FXYD3: variants seen among roughly 807,000 people sequenced by gnomAD.
FXYD3 encodes FXYD domain-containing ion transport regulator 3.
In FXYD3, 13 loss-of-function variants were observed where a neutral mutation model predicts 19.2. The observed-to-expected ratio is 0.68, with a 90% confidence interval of 0.44 to 1.08. The LOEUF is 1.08. FXYD3 is among the 50% of genes least tolerant of loss of function. The pLI, the probability that FXYD3 is intolerant of heterozygous loss-of-function variation, is 0.00. For missense variants in FXYD3, 101 were observed against 109.4 expected (o/e 0.92, Z 0.34); for synonymous variants, 48 against 38.9 (o/e 1.23, Z -0.87).
At chr19:35,121,169 G>T in intron 4 of FXYD3, 53 bp from the exon 5 acceptor site, 1 of 1,614,114 alleles carries the variant, frequency 6.2e-7, no homozygotes, top group African/African-American at 1.3e-5. Context: ...GGTGGGGAAG[G>T]CCTGCATCCT....
At chr19:35,120,984 T>C (rs2065029125) in intron 3 of FXYD3, 94 bp from the exon 4 acceptor site, 4 of 1,395,980 alleles carry the variant, frequency 2.9e-6, no homozygotes, top group Non-Finnish European at 4.0e-6. Flanking sequence ...CAGGAGACCC[T>C]TTCCCAAGGC....
chr19:35,119,741 G>A, intron 3 of FXYD3: 1 of 405,222 alleles, frequency 2.5e-6, no homozygotes, highest in East Asian at 5.0e-5. Context: ...CGCAATCACA[G>A]TTCACTACAG....
At chr19:35,119,206 G>A in intron 2 of FXYD3, 157 bp from the exon 3 acceptor site, 1 of 1,581,666 alleles carries the variant, frequency 6.3e-7, no homozygotes, top group Non-Finnish European at 8.6e-7. Context: ...CGGTGCAGCT[G>A]CGGCTTATCT....
At position 35,122,853 on chromosome 19, in the gene FXYD3, C is replaced by G. The variant is rs2065074361; in HGVS notation, c.172+14C>G. The G allele has an allele frequency of 6.2e-7, 1 of 1,613,850 alleles. No individual in the cohort carries two copies. The highest frequency in any genetic ancestry group is 1.1e-5 in the South Asian group (1 of 91,074). On this transcript the variant is annotated intron_variant, in intron 6 of 8. Transcript: ENST00000604404. ...TCATCGTCATGAGTGAGTGGAGGAGCTCGGGGGAGCAGGCGGGCCGGGGCT... is the reference window on the plus strand; with the variant it reads ...TCATCGTCATGAGTGAGTGGAGGAGGTCGGGGGAGCAGGCGGGCCGGGGCT...
At chr19:35,119,867 A>G (rs926933331) in intron 3 of FXYD3, 4 of 171,756 alleles carry the variant, frequency 2.3e-5, no homozygotes, top group African/African-American at 9.6e-5. Context: ...ACGAGGTCTC[A>G]CTGTGTTGCC....
At position 35,122,963 on chromosome 19, in the gene FXYD3, C is replaced by T. The variant is rs746564210; in HGVS notation, c.209+9C>T. ...TTTGGCCAGAAGTCCGGGTAAGATA[C>T]TGTTCCGGCATGCCCGCCTCAGGCT... is the stretch of plus-strand genomic sequence containing the variant. On this transcript the variant is annotated intron_variant, in intron 7 of 8. Transcript: ENST00000604404. 2.5e-6 allele frequency: 4 copies of T among 1,583,920 alleles called. No homozygotes were observed. Among genetic ancestry groups the T allele is most frequent in the African/African-American group, 1.3e-5 (1 of 74,608 alleles).
At chr19:35,119,752 C>G in intron 3 of FXYD3, 2 of 362,324 alleles carry the variant, frequency 5.5e-6, no homozygotes, top group Middle Eastern at 8.0e-4. Flanking sequence ...TTCACTACAG[C>G]CTTGAACTCC....
intron 2 of FXYD3, chr19:35,116,937 G>T (rs1022123003): frequency 1.0e-6 from 1 of 985,178 alleles, no homozygotes; most frequent in African/African-American, 1.7e-5. Context: ...GGAGCACACA[G>T]CGGGCAGGAT....
At position 35,123,945 on chromosome 19, in the gene FXYD3, G is replaced by C. The variant is rs2065105082; in HGVS notation, c.*488G>C. On this transcript the variant is annotated 3_prime_UTR_variant, in exon 9 of 9. Coordinates refer to ENST00000604404, the MANE Select transcript of FXYD3 (RefSeq NM_005971.4). ...TTCCAGTGGACCCTGGACCATTCCAGGAAAACTGGGACATAGGATCGTCCC... is the reference window on the plus strand; with the variant it reads ...TTCCAGTGGACCCTGGACCATTCCACGAAAACTGGGACATAGGATCGTCCC... 5.7e-6 allele frequency: 1 copy of C among 174,360 alleles called. No individual in the cohort carries two copies. Among genetic ancestry groups the C allele is most frequent in the African/African-American group, 2.4e-5 (1 of 42,128 alleles). The allele number at this position is 174,360 out of a possible 1,614,324, so 10.8% of individuals were successfully genotyped here. A position where few individuals can be genotyped will look rare whatever the true frequency, so the allele number is the denominator to read the frequency against.
chr19:35,116,140 G>C (rs2064880206), intron 1 of FXYD3, 124 bp from the exon 2 acceptor site: 2 of 678,108 alleles, frequency 2.9e-6, no homozygotes, highest in Non-Finnish European at 3.6e-6. Context: ...AGGCTGCTGT[G>C]GTCCTGGTGA....
Position 35,123,786 on chromosome 19 carries a change from T to G in FXYD3, c.*329T>G. On this transcript the variant is annotated 3_prime_UTR_variant, in exon 9 of 9. Transcript: ENST00000604404. ...TTGTTGGGAAAAGCCCACAGGCCTG[T>G]TCCCTTGTGGCTTGGGACATGGCAC... 2 of 434,570 alleles carry G rather than the reference T, an allele frequency of 4.6e-6. No individual in the cohort carries two copies. The highest frequency in any genetic ancestry group is 4.2e-5 in the East Asian group (1 of 23,576). 26.9% of individuals were successfully genotyped at this position (434,570 alleles called of 1,614,324 possible).
chr19:35,124,200 G>C lies in FXYD3; in HGVS notation c.*743G>C, dbSNP rs186601818. 6.6e-6 allele frequency: 1 copy of C among 152,460 alleles called. No homozygotes were observed. Among genetic ancestry groups the C allele is most frequent in the African/African-American group, 2.4e-5 (1 of 41,430 alleles). 9.4% of individuals were successfully genotyped at this position (152,460 alleles called of 1,614,324 possible). A position where few individuals can be genotyped will look rare whatever the true frequency, so the allele number is the denominator to read the frequency against. On this transcript the variant is annotated 3_prime_UTR_variant, in exon 9 of 9. Coordinates refer to ENST00000604404, the MANE Select transcript of FXYD3 (RefSeq NM_005971.4). ...CTCCCCAATACCTAATAAGGCATGC[G>C]AAATGTTCTCATGAACTACCCCACA...
At chr19:35,122,150 A>ATTT (rs34076946) in intron 5 of FXYD3, among the ~76,000 whole-genome samples, 7 of 148,764 alleles carry the variant, frequency 4.7e-5, no homozygotes, top group African/African-American at 1.7e-4. Flanking sequence ...CAAAAATGCA[A>ATTT]TTTTTTTTTT....
intron 1 of FXYD3, 33 bp downstream of exon 1, chr19:35,115,992 G>A (rs2064877269): frequency 1.3e-5 from 2 of 152,422 alleles, no homozygotes; most frequent in African/African-American, 4.8e-5. Flanking sequence ...TCACTGCATG[G>A]CCCTGGAGGC....
At chr19:35,119,328 C>A in intron 2 of FXYD3, 35 bp from the exon 3 acceptor site, 1 of 1,612,330 alleles carries the variant, frequency 6.2e-7, no homozygotes, top group Non-Finnish European at 8.5e-7. Flanking sequence ...CTCCCGGTGG[C>A]TCTGCTAAGG....
At position 35,121,232 on chromosome 19, in the gene FXYD3, T is replaced by A; in HGVS notation, c.84T>A (p.Ser28Arg). The change falls in exon 5 of 9, where the codon AGT (serine) becomes AGA (arginine). Residue 28 changes from serine (S) to arginine (R), a missense_variant. Physicochemically the swap from Ser to Arg is moderately radical, Grantham distance 110. Coordinates refer to ENST00000604404, the MANE Select transcript of FXYD3 (RefSeq NM_005971.4). ...TTTCTTTCCTTGCAGATAAAAACAG[T>A]CCTTTCTACTATGGTGAGAGCCCGT... is the stretch of plus-strand genomic sequence containing the variant. ...LDANDLEDKNSPFYYDWHSLQ... is the reference protein window; with the variant it reads ...LDANDLEDKNRPFYYDWHSLQ... The A allele has an allele frequency of 6.2e-7, 1 of 1,614,038 alleles. No individual in the cohort carries two copies. The highest frequency in any genetic ancestry group is 8.5e-7 in the Non-Finnish European group (1 of 1,179,908).
intron 2 of FXYD3, among the ~76,000 whole-genome samples, chr19:35,117,663 C>T (rs1268170357): frequency 6.6e-6 from 1 of 150,426 alleles, no homozygotes; most frequent in East Asian, 2.0e-4. Context: ...GCCCACCCAC[C>T]CACGCCAGCT....
Position 35,119,344 on chromosome 19 carries a change from C to T in FXYD3, c.-14-19C>T. The T allele has an allele frequency of 6.2e-7, 1 of 1,613,806 alleles. No homozygotes were observed. Among genetic ancestry groups the T allele is most frequent in the Non-Finnish European group, 8.5e-7 (1 of 1,179,708 alleles). On this transcript the variant is annotated intron_variant, in intron 2 of 8. Transcript: ENST00000604404. ...TCCCGGTGGCTCTGCTAAGGCCAGA[C>T]CTCCCGCCACCCCTCTAGGCCAGCG...
chr19:35,121,157 TG>T, intron 4 of FXYD3, 47 bp downstream of exon 4: 1 of 1,614,056 alleles, frequency 6.2e-7, no homozygotes, highest in Non-Finnish European at 8.5e-7. Context: ...AATTCTCCCC[TG>T]GGTGGGGAAG....
Sources: gnomAD v4.1 joint callset for allele counts (sites outside exome capture counted in the v4.1 genomes callset) on GRCh38, gnomAD v4.1.1 for gene constraint, MANE v1.5 for transcripts, NCBI Gene and HGNC (gene_info 2026-07-23, HGNC 2026-07-21) for gene names.